Variants in EPHB1 observed in about 807,000 individuals in gnomAD.
EPHB1 encodes the protein EPH receptor B1.
In EPHB1, 30 loss-of-function variants were observed where a neutral mutation model predicts 94.4. That is an observed-to-expected ratio of 0.32 (90% confidence interval 0.24 to 0.43). The LOEUF is 0.43. Ranked by LOEUF, EPHB1 falls within the 20% of genes least tolerant of loss-of-function variation. The pLI, the probability that EPHB1 is intolerant of heterozygous loss-of-function variation, is 1.00. For synonymous variants in EPHB1, 522 were observed against 489.1 expected, an observed-to-expected ratio of 1.07 and a Z score of -0.89; for missense variants, 1,055 against 1,308.3, an observed-to-expected ratio of 0.81 and a Z score of 2.99.
At chr3:135,116,201 G>C (rs977512877) in intron 4 of EPHB1, among the ~76,000 whole-genome samples, 3 of 152,170 alleles carry the variant, frequency 2.0e-5, no homozygotes, top group Admixed American at 2.0e-4. Flanking sequence ...GCAACAGAGC[G>C]AGACTCTGTC....
intron 4 of EPHB1, among the ~76,000 whole-genome samples, chr3:135,115,168 C>T (rs1939639925): frequency 6.6e-6 from 1 of 152,164 alleles, no homozygotes; most frequent in Non-Finnish European, 1.5e-5. Context: ...ATGTAATCTA[C>T]TCCCTTCTCT....
intron 3 of EPHB1, among the ~76,000 whole-genome samples, chr3:135,038,975 C>T (rs1936738369): frequency 6.6e-6 from 1 of 152,124 alleles, no homozygotes. Flanking sequence ...TTTACAATCC[C>T]TGAGCTAGAT....
At chr3:135,249,277 G>A in intron 14 of EPHB1, 59 bp from the exon 15 acceptor site, 1 of 1,544,330 alleles carries the variant, frequency 6.5e-7, no homozygotes, top group Non-Finnish European at 8.7e-7. Context: ...AGGCCAGACT[G>A]GGGCACTGTC....
At position 135,132,958 on chromosome 3, in the gene EPHB1, C is replaced by T. The variant is rs776725807; in HGVS notation, c.1206C>T (p.Tyr402=). ...SISSLWAHTP[Y]TFDIQAINGV... ...GCAGCCTGTGGGCCCACACCCCCTA[C>T]ACCTTTGACATCCAGGCCATCAATG... Residue 402 remains tyrosine, a synonymous_variant, in exon 5 of 16, where the codon TAC becomes TAT. Coordinates refer to ENST00000398015, the MANE Select transcript of EPHB1 (RefSeq NM_004441.5). 13 of 1,613,874 alleles carry T rather than the reference C, an allele frequency of 8.1e-6. No individual in the cohort carries two copies. The Admixed American group carries it at 8.3e-5, about 10-fold the overall frequency.
intron 3 of EPHB1, among the ~76,000 whole-genome samples, chr3:134,968,257 C>T (rs1421216014): frequency 6.6e-6 from 1 of 151,426 alleles, no homozygotes; most frequent in East Asian, 1.9e-4. Context: ...TGACACCTTG[C>T]AAAGGTTTAA....
chr3:135,001,204 C>T (rs1559789529), intron 3 of EPHB1, among the ~76,000 whole-genome samples: 3 of 152,176 alleles, frequency 2.0e-5, no homozygotes, highest in African/African-American at 7.2e-5. Context: ...GCGGGGGAGC[C>T]TGCACCTTCC....
intron 10 of EPHB1, among the ~76,000 whole-genome samples, chr3:135,192,362 C>G (rs1942482734): frequency 4.8e-4 from 2 of 4,184 alleles, no homozygotes; most frequent in African/African-American, 2.0e-3. Flanking sequence ...TTCTAAGTAC[C>G]AAGGTAAGGA....
At chr3:135,178,376 A>G (rs1169237037) in intron 9 of EPHB1, among the ~76,000 whole-genome samples, 3 of 150,502 alleles carry the variant, frequency 2.0e-5, no homozygotes, top group Non-Finnish European at 4.4e-5. Flanking sequence ...GAATCGCTTG[A>G]ACCCAGGAGG....
At chr3:134,857,266 T>C (rs2037142545) in intron 1 of EPHB1, among the ~76,000 whole-genome samples, 1 of 152,144 alleles carries the variant, frequency 6.6e-6, no homozygotes, top group South Asian at 2.1e-4. Context: ...TCTGTACTCC[T>C]CTCCGTATAT....
chr3:135,224,322 T>C (rs1943344070), intron 12 of EPHB1, among the ~76,000 whole-genome samples: 1 of 152,234 alleles, frequency 6.6e-6, no homozygotes, highest in Admixed American at 6.5e-5. Context: ...AGTCACCTTT[T>C]TTCATTAATA....
At chr3:134,886,340 C>A (rs2037861728) in intron 1 of EPHB1, among the ~76,000 whole-genome samples, 1 of 152,328 alleles carries the variant, frequency 6.6e-6, no homozygotes, top group South Asian at 2.1e-4. Flanking sequence ...ACGTGCTTGA[C>A]AGGAAGTAAC....
In EPHB1 at chr3:135,089,206, G is replaced by A. The variant is rs151048946; in HGVS notation, c.806-17242G>A. On this transcript the variant is annotated intron_variant, in intron 3 of 15. Transcript: ENST00000398015. ...GGTATAAAAATACTCCAGCCAGTAAGCTATCAAGTCTCTGGAGTCAGCAGC... is the reference window on the plus strand; with the variant it reads ...GGTATAAAAATACTCCAGCCAGTAAACTATCAAGTCTCTGGAGTCAGCAGC... Among the ~76,000 whole-genome samples the A allele has an allele frequency of 9.8e-5, 15 of 152,348 alleles. No individual in the cohort carries two copies. In the East Asian group the frequency reaches 2.7e-3, roughly 27 times the overall value.
chr3:134,804,550 GGT>G (rs1047960708), intron 1 of EPHB1, among the ~76,000 whole-genome samples: 25 of 152,198 alleles, frequency 1.6e-4, no homozygotes, highest in African/African-American at 5.5e-4. Flanking sequence ...GATCTTGGTG[GGT>G]GTGTGTGGGG....
At chr3:135,224,549 T>G (rs112738339) in intron 12 of EPHB1, among the ~76,000 whole-genome samples, 1 of 152,150 alleles carries the variant, frequency 6.6e-6, no homozygotes, top group African/African-American at 2.4e-5. Context: ...ACAGTATATA[T>G]TACATATTTT....
At chr3:134,864,313 A>G (rs1242692300) in intron 1 of EPHB1, among the ~76,000 whole-genome samples, 1 of 152,166 alleles carries the variant, frequency 6.6e-6, no homozygotes, top group Non-Finnish European at 1.5e-5. Flanking sequence ...ATTCCAGGCC[A>G]TTTGGAAGTG....
At chr3:134,881,503 A>T (rs59437705) in intron 1 of EPHB1, among the ~76,000 whole-genome samples, 2,292 of 152,180 alleles carry the variant, frequency 0.015, 47 homozygotes, top group African/African-American at 0.052. Flanking sequence ...CTGGGGCCCC[A>T]CCTGCTGTCT....
intron 3 of EPHB1, among the ~76,000 whole-genome samples, chr3:135,027,430 G>C (rs1313938694): frequency 6.8e-6 from 1 of 147,782 alleles, no homozygotes; most frequent in Non-Finnish European, 1.5e-5. Context: ...ATGAAGGGTT[G>C]TTGAATTTTG....
At chr3:134,848,560 C>T (rs887386036) in intron 1 of EPHB1, among the ~76,000 whole-genome samples, 1 of 152,216 alleles carries the variant, frequency 6.6e-6, no homozygotes, top group African/African-American at 2.4e-5. Context: ...ATCATCACTA[C>T]TTCATTCATC....
intron 5 of EPHB1, among the ~76,000 whole-genome samples, chr3:135,146,217 C>T (rs1050669208): frequency 3.9e-5 from 6 of 152,202 alleles, no homozygotes; most frequent in East Asian, 1.9e-4. Context: ...CTTCAAAGGC[C>T]GGCAAGGTCA....
Sources: gnomAD v4.1 joint callset for allele counts (sites outside exome capture counted in the v4.1 genomes callset) on GRCh38, gnomAD v4.1.1 for gene constraint, MANE v1.5 for transcripts, NCBI Gene and HGNC (gene_info 2026-07-23, HGNC 2026-07-21) for gene names.